CISD2: variants seen among roughly 807,000 people sequenced by gnomAD.
CISD2 encodes CDGSH iron sulfur domain 2.
Under a neutral mutation model 12.9 loss-of-function variants are expected in CISD2, and 1 was observed. That is an observed-to-expected ratio of 0.08 (90% CI 0.03 to 0.37). The LOEUF is 0.37. Among genes scored for constraint, CISD2 ranks in the 10% least tolerant of loss-of-function variants. The probability of loss-of-function intolerance (pLI) is 0.99; values close to 1 mark genes in which losing one functional copy is unlikely to be tolerated. For missense variants in CISD2, 97 were observed against 163.1 expected (o/e 0.59, Z 2.21); for synonymous variants, 50 against 60.6 (o/e 0.83, Z 0.81).
At chr4:102,870,378 T>G (rs572923045) in intron 1 of CISD2, among the ~76,000 whole-genome samples, 1 of 151,766 alleles carries the variant, frequency 6.6e-6, no homozygotes, top group Non-Finnish European at 1.5e-5. Context: ...CTCTCAAAGA[T>G]GAAAAAAACA....
intron 1 of CISD2, among the ~76,000 whole-genome samples, chr4:102,878,848 G>T (rs1733650113): frequency 6.6e-6 from 1 of 152,204 alleles, no homozygotes; most frequent in Non-Finnish European, 1.5e-5. Context: ...ACTCTCTGTT[G>T]TAGCAATTTA....
At chr4:102,886,285 A>G (rs983729984) in intron 2 of CISD2, among the ~76,000 whole-genome samples, 1 of 151,982 alleles carries the variant, frequency 6.6e-6, no homozygotes, top group Admixed American at 6.6e-5. Context: ...TCAGGGGTTC[A>G]AGAACAGCCT....
rs1733993319 is a variant in CISD2, at chr4:102,887,544, A to G, written c.*114A>G. On this transcript the variant is annotated 3_prime_UTR_variant, in exon 3 of 3. Transcript: ENST00000273986. ...TTCCAATTTATTTTCTTCCTGCACT[A>G]CTGTTTGTATTTGATCCTTTGTCTA... 7 of 604,594 alleles carry G rather than the reference A, an allele frequency of 1.2e-5. No homozygotes were observed. Among genetic ancestry groups the G allele is most frequent in the Non-Finnish European group, 2.1e-5 (7 of 334,786 alleles). The allele number at this position is 604,594 out of a possible 1,614,324, so 37.5% of individuals were successfully genotyped here.
At chr4:102,874,051 A>G (rs1342402288) in intron 1 of CISD2, among the ~76,000 whole-genome samples, 1 of 151,586 alleles carries the variant, frequency 6.6e-6, no homozygotes, top group Non-Finnish European at 1.5e-5. Context: ...GCTTGAACCC[A>G]GGAGGCAGAG....
At chr4:102,869,650 C>T in intron 1 of CISD2, 1 of 621,492 alleles carries the variant, frequency 1.6e-6, no homozygotes, top group Non-Finnish European at 2.9e-6. Flanking sequence ...TAGACTTACA[C>T]GTAACACGTA....
At chr4:102,880,445 A>G (rs1199517212) in intron 1 of CISD2, among the ~76,000 whole-genome samples, 1 of 152,234 alleles carries the variant, frequency 6.6e-6, no homozygotes, top group African/African-American at 2.4e-5. Context: ...ACATTTACCA[A>G]ATAAATACAT....
In CISD2 at chr4:102,869,191, A is replaced by G; in HGVS notation, c.103+4A>G. 1 of 1,599,416 alleles carries G rather than the reference A, an allele frequency of 6.3e-7. No individual in the cohort carries two copies. Among genetic ancestry groups the G allele is most frequent in the Non-Finnish European group, 8.5e-7 (1 of 1,173,204 alleles). On this transcript the variant is annotated splice_donor_region_variant and intron_variant, in intron 1 of 2. Coordinates refer to ENST00000273986, the MANE Select transcript of CISD2 (RefSeq NM_001008388.5). ...ACCGGGTTCGCTAGGCTCACAGGTA[A>G]TCCTCCCCCATCAGCCAGTCCCCAT...
At chr4:102,869,524 G>T in intron 1 of CISD2, 1 of 702,442 alleles carries the variant, frequency 1.4e-6, no homozygotes, top group Non-Finnish European at 2.6e-6. Flanking sequence ...TAGCGTACTT[G>T]TTTATTTTAA....
At chr4:102,873,400 T>G (rs1296058172) in intron 1 of CISD2, among the ~76,000 whole-genome samples, 1 of 152,056 alleles carries the variant, frequency 6.6e-6, no homozygotes, top group African/African-American at 2.4e-5. Flanking sequence ...ACCTCTTGAG[T>G]AGCTGGTACT....
At chr4:102,870,586 A>C (rs1046128294) in intron 1 of CISD2, among the ~76,000 whole-genome samples, 1 of 152,224 alleles carries the variant, frequency 6.6e-6, no homozygotes, top group Admixed American at 6.5e-5. Context: ...CATGGTAACA[A>C]TAATAAACAT....
Position 102,887,676 on chromosome 4 carries a change from C to T in CISD2, c.*246C>T, listed in dbSNP as rs1734000989. The T allele has an allele frequency of 3.1e-6, 1 of 321,896 alleles. No homozygotes were observed. The highest frequency in any genetic ancestry group is 2.1e-5 in the African/African-American group (1 of 46,764). 19.9% of individuals were successfully genotyped at this position (321,896 alleles called of 1,614,324 possible). On this transcript the variant is annotated 3_prime_UTR_variant, in exon 3 of 3. Coordinates refer to ENST00000273986, the MANE Select transcript of CISD2 (RefSeq NM_001008388.5). ...CACTTCTGATTTTAATCTAGGAAAACCTAAATTGTGGCTATGGATCCAAAG... is the reference window on the plus strand; with the variant it reads ...CACTTCTGATTTTAATCTAGGAAAATCTAAATTGTGGCTATGGATCCAAAG...
rs910727708 is a variant in CISD2, at chr4:102,892,256, C to G, written c.*4826C>G. ...TATTTTTCTAAGAGACAGAGTCTCA[C>G]TGTGTTACCCAGGCTGGTCTCGAAG... On this transcript the variant is annotated 3_prime_UTR_variant, in exon 3 of 3. Transcript: ENST00000273986. 2 of 152,168 alleles carry G rather than the reference C, an allele frequency of 1.3e-5. No individual in the cohort carries two copies. The highest frequency in any genetic ancestry group is 2.9e-5 in the Non-Finnish European group (2 of 68,060). 9.4% of individuals were successfully genotyped at this position (152,168 alleles called of 1,614,324 possible).
chr4:102,869,155 C>G lies in CISD2; in HGVS notation c.71C>G (p.Pro24Arg). The G allele has an allele frequency of 6.2e-7, 1 of 1,612,240 alleles. No individual in the cohort carries two copies. The highest frequency in any genetic ancestry group is 2.2e-5 in the East Asian group (1 of 44,814). ...LPAYLKRLPV[P>R]ESITGFARLT... The stretch of plus-strand genomic sequence containing the variant: ...GCATATCTGAAGCGGCTCCCAGTCC[C>G]TGAAAGCATTACCGGGTTCGCTAGG... The change falls in exon 1 of 3, where the codon CCT (proline) becomes CGT (arginine). Residue 24 changes from proline to arginine, a missense_variant. Physicochemically the swap from Pro to Arg is moderately radical, Grantham distance 103. Coordinates refer to ENST00000273986, the MANE Select transcript of CISD2 (RefSeq NM_001008388.5).
At chr4:102,886,280 G>A (rs112809686) in intron 2 of CISD2, among the ~76,000 whole-genome samples, 1 of 151,946 alleles carries the variant, frequency 6.6e-6, no homozygotes, top group African/African-American at 2.4e-5. Context: ...CCAGGTCAGG[G>A]GTTCAAGAAC....
intron 1 of CISD2, among the ~76,000 whole-genome samples, chr4:102,881,614 T>C (rs1733723134): frequency 6.6e-6 from 1 of 152,242 alleles, no homozygotes; most frequent in East Asian, 1.9e-4. Flanking sequence ...GTCATTTGAA[T>C]TGAGCTTTTC....
At chr4:102,869,665 A>G (rs1280608879) in intron 1 of CISD2, among the ~76,000 whole-genome samples, 4 of 152,200 alleles carry the variant, frequency 2.6e-5, no homozygotes, top group South Asian at 4.2e-4. Context: ...CACGTATATG[A>G]CCGTTTTATT....
intron 1 of CISD2, among the ~76,000 whole-genome samples, chr4:102,878,782 G>T (rs1267037646): frequency 1.3e-5 from 2 of 152,256 alleles, no homozygotes; most frequent in East Asian, 3.9e-4. Flanking sequence ...ACCTCTGCCA[G>T]TTACCCAGTT....
chr4:102,885,177 C>G, intron 1 of CISD2, 39 bp from the exon 2 acceptor site: 1 of 1,505,662 alleles, frequency 6.6e-7, no homozygotes, highest in Non-Finnish European at 9.2e-7. Context: ...GAATTCTTTT[C>G]CAAGAGCACT....
At position 102,891,266 on chromosome 4, in the gene CISD2, CAAG is replaced by C. The variant is rs1011409466; in HGVS notation, c.*3837_*3839del. On this transcript the variant is annotated 3_prime_UTR_variant, in exon 3 of 3. Transcript: ENST00000273986. ...ATTCTTACTTCACATTGAATTCTAA[CAAG>C]TTTGGTTATCTGATTTCTGCTTCTT... 2 of 152,126 alleles carry C rather than the reference CAAG, an allele frequency of 1.3e-5. No individual in the cohort carries two copies. The highest frequency in any genetic ancestry group is 4.8e-5 in the African/African-American group (2 of 41,408). The allele number at this position is 152,126 out of a possible 1,614,324, so 9.4% of individuals were successfully genotyped here.
Sources: allele counts gnomAD v4.1 joint callset (sites outside exome capture counted in the v4.1 genomes callset), GRCh38; gene constraint gnomAD v4.1.1; transcripts MANE v1.5; gene names NCBI Gene and HGNC (gene_info 2026-07-23, HGNC 2026-07-21).